The following KCNK2 variants were observed in gnomAD, a reference collection of about 807,000 sequenced individuals.
The protein encoded by KCNK2 is potassium channel subfamily K member 2.
Under a neutral mutation model 40.5 loss-of-function variants are expected in KCNK2, and 21 were observed. That is an observed-to-expected ratio of 0.52 (90% CI 0.37 to 0.75). The LOEUF is 0.75. KCNK2 is among the 30% of genes least tolerant of loss of function. The pLI is 0.00. For missense variants in KCNK2, 399 were observed against 531.6 expected (o/e 0.75, Z 2.45); for synonymous variants, 191 against 202.2 (o/e 0.94, Z 0.47).
intron 2 of KCNK2, among the ~76,000 whole-genome samples, chr1:215,117,738 C>T (rs1035554309): frequency 2.6e-5 from 4 of 151,960 alleles, no homozygotes; most frequent in African/African-American, 4.8e-5. Flanking sequence ...CTTCCTTGTT[C>T]GGTTATTAAG....
chr1:215,051,480 G>A (rs1399188788), intron 1 of KCNK2, among the ~76,000 whole-genome samples: 1 of 152,122 alleles, frequency 6.6e-6, no homozygotes, highest in Non-Finnish European at 1.5e-5. Flanking sequence ...TTCAAAAGGG[G>A]AATGCCATAC....
At chr1:215,232,419 G>A (rs1012383302) in intron 6 of KCNK2, among the ~76,000 whole-genome samples, 1 of 152,148 alleles carries the variant, frequency 6.6e-6, no homozygotes, top group Non-Finnish European at 1.5e-5. Flanking sequence ...TAAGATTAGT[G>A]TCTACAGATA....
chr1:215,098,260 C>T (rs1660066922), intron 2 of KCNK2, among the ~76,000 whole-genome samples: 1 of 151,832 alleles, frequency 6.6e-6, no homozygotes, highest in Non-Finnish European at 1.5e-5. Context: ...TTTGTTTTTT[C>T]TCTCTTTCTT....
At chr1:215,096,137 G>A (rs935443690) in intron 2 of KCNK2, among the ~76,000 whole-genome samples, 3 of 151,838 alleles carry the variant, frequency 2.0e-5, no homozygotes, top group African/African-American at 7.3e-5. Context: ...AATGCAGGAA[G>A]GTAGAAAGAA....
At chr1:215,163,731 G>C (rs904397787) in intron 3 of KCNK2, among the ~76,000 whole-genome samples, 4 of 152,108 alleles carry the variant, frequency 2.6e-5, no homozygotes, top group Non-Finnish European at 5.9e-5. Flanking sequence ...TTATTGATTT[G>C]CGTATGTTGA....
intron 2 of KCNK2, among the ~76,000 whole-genome samples, chr1:215,110,699 G>T (rs892460342): frequency 6.6e-6 from 1 of 151,618 alleles, no homozygotes; most frequent in Admixed American, 6.6e-5. Context: ...GCATTTTTAG[G>T]TTCGTGGCAA....
intron 1 of KCNK2, among the ~76,000 whole-genome samples, chr1:215,074,756 G>A (rs1004074647): frequency 3.9e-5 from 6 of 152,072 alleles, no homozygotes; most frequent in South Asian, 2.1e-4. Context: ...GAGGATTGTC[G>A]GTGGAGGATT....
At chr1:215,177,418 A>G (rs1215652017) in intron 5 of KCNK2, among the ~76,000 whole-genome samples, 1 of 151,988 alleles carries the variant, frequency 6.6e-6, no homozygotes, top group Non-Finnish European at 1.5e-5. Context: ...CATAGTCACA[A>G]ATTCTTTCCC....
At chr1:215,160,618 A>G (rs1424599502) in intron 3 of KCNK2, among the ~76,000 whole-genome samples, 1 of 152,092 alleles carries the variant, frequency 6.6e-6, no homozygotes, top group Admixed American at 6.6e-5. Flanking sequence ...AATGTTCATC[A>G]TTCTCTTCTT....
upstream of KCNK2, among the ~76,000 whole-genome samples, chr1:215,080,013 T>A (rs1436554395): frequency 6.6e-6 from 1 of 152,062 alleles, no homozygotes; most frequent in East Asian, 1.9e-4. Context: ...GCACCCTACA[T>A]GAATGTGGGG....
At position 215,117,496 on chromosome 1, in the gene KCNK2, TAATA is replaced by T. The variant is rs370284424; in HGVS notation, c.358-7132_358-7129del. On this transcript the variant is annotated intron_variant, in intron 2 of 6. Coordinates refer to ENST00000444842, the MANE Select transcript of KCNK2 (RefSeq NM_001017425.3). ...ATGGAAATTAGCCTTAATTCTGCAG[TAATA>T]AATATCATACTGCAGTGAAATTTAG... 6.1e-4 allele frequency among the ~76,000 whole-genome samples: 93 copies of T among 152,260 alleles called. 1 individual carries two copies. The South Asian group carries it at 0.019, about 31-fold the overall frequency.
intron 5 of KCNK2, among the ~76,000 whole-genome samples, chr1:215,183,693 A>C (rs1304398611): frequency 6.6e-6 from 1 of 152,216 alleles, no homozygotes; most frequent in Non-Finnish European, 1.5e-5. Context: ...TTCTCTTAAA[A>C]AATTCAGTTT....
chr1:215,020,303 A>C (rs950862046), intron 1 of KCNK2, among the ~76,000 whole-genome samples: 7 of 152,226 alleles, frequency 4.6e-5, no homozygotes, highest in African/African-American at 1.7e-4. Context: ...AAAGATATTT[A>C]GACTTCTTGA....
intron 6 of KCNK2, among the ~76,000 whole-genome samples, chr1:215,222,671 A>C (rs2102701839): frequency 6.6e-6 from 1 of 152,130 alleles, no homozygotes; most frequent in African/African-American, 2.4e-5. Flanking sequence ...TTCTCAGAAA[A>C]CCAGAGAAAA....
At chr1:215,172,595 C>T (rs10779651) in intron 5 of KCNK2, among the ~76,000 whole-genome samples, 109,429 of 152,122 alleles carry the variant, frequency 0.72, 39,717 homozygotes, top group African/African-American at 0.73. Flanking sequence ...GCCCATCCTA[C>T]GCAAGTATAA....
chr1:215,075,634 A>G (rs10864150), intron 1 of KCNK2, among the ~76,000 whole-genome samples: 114,577 of 152,190 alleles, frequency 0.75, 43,608 homozygotes, highest in Non-Finnish European at 0.78. Context: ...AAAATTTGTA[A>G]TGCTGTTGCA....
intron 1 of KCNK2, among the ~76,000 whole-genome samples, chr1:215,085,482 C>T (rs1424345725): frequency 6.6e-6 from 1 of 152,146 alleles, no homozygotes; most frequent in Non-Finnish European, 1.5e-5. Context: ...ATAGTCACCT[C>T]CGACTATATG....
intron 6 of KCNK2, among the ~76,000 whole-genome samples, chr1:215,225,722 A>G (rs1050913590): frequency 1.3e-5 from 2 of 152,240 alleles, no homozygotes; most frequent in Admixed American, 6.5e-5. Flanking sequence ...GATAGAATGC[A>G]TAGTCTCTGT....
intron 6 of KCNK2, among the ~76,000 whole-genome samples, chr1:215,230,505 C>CTATA (rs1558150207): frequency 6.1e-5 from 4 of 65,580 alleles, no homozygotes; most frequent in Non-Finnish European, 8.5e-5. Context: ...ACACACACGG[C>CTATA]TGTATATATA....
Sources: allele counts gnomAD v4.1 joint callset (sites outside exome capture counted in the v4.1 genomes callset), GRCh38; gene constraint gnomAD v4.1.1; transcripts MANE v1.5; gene names NCBI Gene and HGNC (gene_info 2026-07-23, HGNC 2026-07-21).